ACRV1: variants seen among roughly 807,000 people sequenced by gnomAD.
ACRV1 encodes acrosomal vesicle protein 1.
Under a neutral mutation model 29.2 loss-of-function variants are expected in ACRV1, and 17 were observed. That is an observed-to-expected ratio of 0.58 (90% CI 0.40 to 0.87). The LOEUF (loss-of-function observed/expected upper bound fraction) is 0.87. Among genes scored for constraint, ACRV1 ranks in the 40% least tolerant of loss-of-function variants. ACRV1 has a pLI of 0.00. For synonymous variants in ACRV1, 98 were observed against 111.6 expected (o/e 0.88, Z 0.77); for missense variants, 294 against 316.0 (o/e 0.93, Z 0.53).
At chr11:125,676,509 T>A in intron 2 of ACRV1, 31 bp from the exon 3 acceptor site, 1 of 1,613,624 alleles carries the variant, frequency 6.2e-7, no homozygotes, top group Non-Finnish European at 8.5e-7. Flanking sequence ...TGATGACATT[T>A]CCTTGTGGAC....
In ACRV1 at chr11:125,678,009, G is replaced by A; in HGVS notation, c.341C>T (p.Pro114Leu). 6.2e-7 allele frequency: 1 copy of A among 1,614,064 alleles called. No homozygotes were observed. The highest frequency in any genetic ancestry group is 1.1e-5 in the South Asian group (1 of 91,072). Residue 114 changes from proline (P) to leucine (L), a missense_variant, in exon 2 of 4, where the codon CCT becomes CTT. Transcript: ENST00000533904. The stretch of plus-strand genomic sequence containing the variant: ...TTCACCTGAAGGCTGTTCTCCTGAA[G>A]GCTGCTCACCTACAGTATGCTCACC... ...AEGEHTVGEQ[P>L]SGEQPSGEHL...
rs1942258025 is a variant in ACRV1 at position 125,672,682 on chromosome 11, T to C, written c.709A>G (p.Asn237Asp). The C allele has an allele frequency of 6.2e-7, 1 of 1,614,048 alleles. No individual in the cohort carries two copies. Among genetic ancestry groups the C allele is most frequent in the African/African-American group, 1.3e-5 (1 of 74,934 alleles). Residue 237 changes from asparagine (N) to aspartate (D), a missense_variant, in exon 4 of 4, where the codon AAC (asparagine) becomes GAC (aspartate). Physicochemically the swap from Asn to Asp is conservative, Grantham distance 23. Coordinates refer to ENST00000533904, the MANE Select transcript of ACRV1 (RefSeq NM_001612.6). ...AAGAGGTTCATAGATGGGCACATGT[T>C]CTCACACCCTTGAACCATGAATTGG... ...KLQFMVQGCE[N>D]MCPSMNLFSH...
chr11:125,674,783 A>C (rs944541689), intron 3 of ACRV1, among the ~76,000 whole-genome samples: 1 of 152,094 alleles, frequency 6.6e-6, no homozygotes, highest in South Asian at 2.1e-4. Context: ...AATGCATATC[A>C]TACTGTCTGG....
At chr11:125,680,003 T>C (rs1289410211) in intron 1 of ACRV1, among the ~76,000 whole-genome samples, 2 of 152,248 alleles carry the variant, frequency 1.3e-5, no homozygotes, top group East Asian at 1.9e-4. Context: ...CTTGATCTTA[T>C]AGTTTATGAC....
Position 125,672,589 on chromosome 11 carries a change from G to T in ACRV1, c.*4C>A. 8 of 1,613,832 alleles carry T rather than the reference G, an allele frequency of 5.0e-6. No individual in the cohort carries two copies. Among genetic ancestry groups the T allele is most frequent in the Non-Finnish European group, 6.8e-6 (8 of 1,179,968 alleles). ...TGAGTCAAAACAAGCAAGGGCCCAG[G>T]CTTCTAGATCTTATTGCAGAAAGAT... On this transcript the variant is annotated 3_prime_UTR_variant, in exon 4 of 4. Coordinates refer to ENST00000533904, the MANE Select transcript of ACRV1 (RefSeq NM_001612.6).
At chr11:125,679,766 T>TA (rs908292405) in intron 1 of ACRV1, among the ~76,000 whole-genome samples, 1 of 152,208 alleles carries the variant, frequency 6.6e-6, no homozygotes, top group Non-Finnish European at 1.5e-5. Flanking sequence ...GATAGATATA[T>TA]TTTCTTGGCA....
intron 1 of ACRV1, among the ~76,000 whole-genome samples, chr11:125,678,978 T>TTATTTATATATATATATATATA (rs1555078665): frequency 1.5e-4 from 13 of 88,438 alleles, no homozygotes; most frequent in Non-Finnish European, 2.5e-4. Context: ...TCTAGGCATA[T>TTATTTATATATATATATATATA]TATATATATA....
intron 3 of ACRV1, among the ~76,000 whole-genome samples, chr11:125,675,738 T>C (rs767395314): frequency 9.2e-5 from 14 of 152,110 alleles, no homozygotes; most frequent in Non-Finnish European, 1.9e-4. Flanking sequence ...CAGGAATATA[T>C]AGCTATAGCT....
rs1162865325 is a variant in ACRV1, at chr11:125,678,272, A to T, written c.78T>A (p.Leu26=). The change falls in exon 2 of 4, where the codon CTT becomes CTA. Residue 26 remains leucine (L), a synonymous_variant. Transcript: ENST00000533904. The part of the protein sequence containing the change: ...ARGTSSQPNE[L]SGSIDHQTSV... ...AAGTTTGATGATCTATGGAGCCAGA[A>T]AGCTCATTAGGCTGACTTGATGTTC... 1.2e-6 allele frequency: 2 copies of T among 1,614,120 alleles called. No homozygotes were observed. Among genetic ancestry groups the T allele is most frequent in the Non-Finnish European group, 1.7e-6 (2 of 1,180,000 alleles).
intron 1 of ACRV1, among the ~76,000 whole-genome samples, chr11:125,679,107 A>G (rs1259630518): frequency 2.7e-5 from 4 of 149,612 alleles, no homozygotes; most frequent in Non-Finnish European, 5.9e-5. Context: ...ACCATTGCCT[A>G]GTACTCAATT....
Position 125,672,697 on chromosome 11 carries a change from C to A in ACRV1, c.694G>T (p.Val232Phe). The change falls in exon 4 of 4, where the codon GTT becomes TTT. Residue 232 changes from valine to phenylalanine, a missense_variant. Val to Phe is a conservative substitution (Grantham distance 50, BLOSUM62 -1). Coordinates refer to ENST00000533904, the MANE Select transcript of ACRV1 (RefSeq NM_001612.6). The part of the protein sequence containing the change: ...IFEGGKLQFM[V>F]QGCENMCPSM... ...GGGCACATGTTCTCACACCCTTGAA[C>A]CATGAATTGGAGTTTTCCACCTGAA... The A allele has an allele frequency of 1.2e-6, 2 of 1,614,116 alleles. No individual in the cohort carries two copies. Among genetic ancestry groups the A allele is most frequent in the Non-Finnish European group, 8.5e-7 (1 of 1,180,020 alleles).
intron 1 of ACRV1, among the ~76,000 whole-genome samples, chr11:125,679,791 C>T (rs941158736): frequency 6.6e-6 from 1 of 152,170 alleles, no homozygotes; most frequent in African/African-American, 2.4e-5. Context: ...GCAGTACTTA[C>T]AATCAGTGAC....
At position 125,679,216 on chromosome 11, in the gene ACRV1, C is replaced by CTTTTTTTTTTTTTTT. The variant is rs71045115; in HGVS notation, c.53-920_53-919insAAAAAAAAAAAAAAA. On this transcript the variant is annotated intron_variant, in intron 1 of 3. Transcript: ENST00000533904. Reference sequence around the variant, plus strand: ...TCTTCTACCTTTAATCCGTCTCTTTCTTTTTTTTTTTTTGTTTCAAAGATA... The same window carrying CTTTTTTTTTTTTTTT: ...TCTTCTACCTTTAATCCGTCTCTTTCTTTTTTTTTTTTTTTTTTTTTTTTTTTTGTTTCAAAGATA... Among the ~76,000 whole-genome samples, 529 of 120,952 alleles carry CTTTTTTTTTTTTTTT rather than the reference C, an allele frequency of 4.4e-3. 13 individuals are homozygous for CTTTTTTTTTTTTTTT. The highest frequency in any genetic ancestry group is 5.3e-3 in the Non-Finnish European group (324 of 60,724). The allele number at this position is 120,952 out of a possible 152,430, so 79.3% of individuals were successfully genotyped here. A position where few individuals can be genotyped will look rare whatever the true frequency, so the allele number is the denominator to read the frequency against.
chr11:125,677,802 G>A lies in ACRV1; in HGVS notation c.548C>T (p.Ser183Phe). 6.2e-7 allele frequency: 1 copy of A among 1,614,108 alleles called. No individual in the cohort carries two copies. Among genetic ancestry groups the A allele is most frequent in the South Asian group, 1.1e-5 (1 of 91,080 alleles). Residue 183 changes from serine to phenylalanine, a missense_variant, in exon 2 of 4, where the codon TCT (serine) becomes TTT (phenylalanine). Ser to Phe is a radical substitution (Grantham distance 155). Coordinates refer to ENST00000533904, the MANE Select transcript of ACRV1 (RefSeq NM_001612.6). Reference sequence around the variant, plus strand: ...CCCATCCAAACATGGCTCACCTGTAGATGTGCTTGAAATTGGTGCACCTGA... The same window carrying A: ...CCCATCCAAACATGGCTCACCTGTAAATGTGCTTGAAATTGGTGCACCTGA... ...QASGAPISST[S>F]TGTILNCYTC...
chr11:125,675,411 G>A (rs1233593614), intron 3 of ACRV1, among the ~76,000 whole-genome samples: 2 of 152,116 alleles, frequency 1.3e-5, no homozygotes, highest in African/African-American at 4.8e-5. Flanking sequence ...TCATCTTTCT[G>A]TAGTTCATGG....
chr11:125,677,815 T>C lies in ACRV1; in HGVS notation c.535A>G (p.Ile179Val), dbSNP rs746157763. ...ASGEQASGAP[I>V]SSTSTGTILN... ...GGCTCACCTGTAGATGTGCTTGAAA[T>C]TGGTGCACCTGAAGCCTGTTCCCCT... Residue 179 changes from isoleucine to valine, a missense_variant, in exon 2 of 4, where the codon ATT becomes GTT. Ile to Val is a conservative substitution (Grantham distance 29, BLOSUM62 3). Coordinates refer to ENST00000533904, the MANE Select transcript of ACRV1 (RefSeq NM_001612.6). 3.3e-5 allele frequency: 54 copies of C among 1,614,134 alleles called. No individual in the cohort carries two copies. The highest frequency in any genetic ancestry group is 4.4e-5 in the Non-Finnish European group (52 of 1,180,012).
At chr11:125,677,707 T>C (rs1292105910) in intron 2 of ACRV1, 90 bp downstream of exon 2, 2 of 1,530,240 alleles carry the variant, frequency 1.3e-6, no homozygotes, top group Admixed American at 3.6e-5. Flanking sequence ...TTCTTTCTTC[T>C]GCACTCCTTC....
chr11:125,679,216 C>CTTTTTTTTTTTTTTTTTTTTTTTTTTTTT (rs71045115), intron 1 of ACRV1, among the ~76,000 whole-genome samples: 7 of 121,026 alleles, frequency 5.8e-5, no homozygotes, highest in African/African-American at 1.3e-4. Context: ...CCGTCTCTTT[C>CTTTTTTTTTTTTTTTTTTTTTTTTTTTTT]TTTTTTTTTT....
At chr11:125,679,228 T>TTTTTTTTTTTTTTTTTTTTTTTTG (rs1454887323) in intron 1 of ACRV1, among the ~76,000 whole-genome samples, 1 of 145,560 alleles carries the variant, frequency 6.9e-6, no homozygotes, top group African/African-American at 2.6e-5. Flanking sequence ...TTTTTTTTTT[T>TTTTTTTTTTTTTTTTTTTTTTTTG]TGTTTCAAAG....
Sources: allele counts gnomAD v4.1 joint callset (sites outside exome capture counted in the v4.1 genomes callset), GRCh38; gene constraint gnomAD v4.1.1; transcripts MANE v1.5; gene names NCBI Gene and HGNC (gene_info 2026-07-23, HGNC 2026-07-21).